LOXL2: variants seen among roughly 807,000 people sequenced by gnomAD.
The protein encoded by LOXL2 is lysyl oxidase like 2.
Under a neutral mutation model 93.0 loss-of-function variants are expected in LOXL2, and 70 were observed. That is an observed-to-expected ratio of 0.75 (90% CI 0.62 to 0.92). The LOEUF (loss-of-function observed/expected upper bound fraction) is 0.92, where lower values mean the gene tolerates loss of function less well. LOXL2 is among the 40% of genes least tolerant of loss of function. LOXL2 has a pLI of 0.00. For missense variants in LOXL2, 973 were observed against 1,054.9 expected (o/e 0.92, Z 1.08); for synonymous variants, 438 against 413.2 (o/e 1.06, Z -0.73).
At chr8:23,398,835 A>T (rs2117242897) in intron 1 of LOXL2, among the ~76,000 whole-genome samples, 1 of 151,276 alleles carries the variant, frequency 6.6e-6, no homozygotes, top group East Asian at 1.9e-4. Context: ...TTTGGTAGAG[A>T]CTGGGTCTCC....
intron 3 of LOXL2, among the ~76,000 whole-genome samples, chr8:23,345,428 C>T (rs1803954677): frequency 6.6e-6 from 1 of 152,210 alleles, no homozygotes. Flanking sequence ...TGTCGAGGGG[C>T]AGTGAGTCAG....
intron 3 of LOXL2, among the ~76,000 whole-genome samples, chr8:23,346,039 G>A (rs906323489): frequency 6.6e-6 from 1 of 150,588 alleles, no homozygotes; most frequent in Non-Finnish European, 1.5e-5. Context: ...CTGCACTCTA[G>A]CCTGGGCGAC....
chr8:23,388,421 AT>A (rs1014676764), intron 1 of LOXL2, among the ~76,000 whole-genome samples: 36 of 149,700 alleles, frequency 2.4e-4, no homozygotes, highest in Admixed American at 6.0e-4. Flanking sequence ...CTACAAAAAA[AT>A]TTTTTTTTTT....
intron 1 of LOXL2, among the ~76,000 whole-genome samples, chr8:23,393,364 C>A (rs931719771): frequency 1.4e-4 from 21 of 152,166 alleles, no homozygotes; most frequent in African/African-American, 5.1e-4. Flanking sequence ...ACATATAGAT[C>A]AATGAGATAA....
At chr8:23,357,665 A>T (rs1391800539) in intron 3 of LOXL2, among the ~76,000 whole-genome samples, 3 of 150,092 alleles carry the variant, frequency 2.0e-5, no homozygotes, top group Non-Finnish European at 3.0e-5. Flanking sequence ...TTTTCAAGCC[A>T]TCAATGATCA....
At chr8:23,321,817 G>A (rs1803501252) in intron 7 of LOXL2, 2 of 315,280 alleles carry the variant, frequency 6.3e-6, no homozygotes, top group Non-Finnish European at 1.2e-5. Flanking sequence ...GTTTTGATAA[G>A]GTTGTGGCTA....
chr8:23,327,976 G>A (rs544702566), intron 6 of LOXL2, among the ~76,000 whole-genome samples: 1 of 152,256 alleles, frequency 6.6e-6, no homozygotes, highest in Non-Finnish European at 1.5e-5. Context: ...ATGGCATTTG[G>A]TCCTTTTGTT....
intron 3 of LOXL2, among the ~76,000 whole-genome samples, chr8:23,357,472 T>A (rs1040354758): frequency 1.3e-5 from 2 of 152,230 alleles, no homozygotes; most frequent in African/African-American, 2.4e-5. Context: ...AACTGGCACT[T>A]AGTAGGTATT....
chr8:23,374,002 A>C (rs1173578938), intron 1 of LOXL2, among the ~76,000 whole-genome samples: 2 of 152,054 alleles, frequency 1.3e-5, no homozygotes, highest in African/African-American at 2.4e-5. Flanking sequence ...CACAACATGC[A>C]GGTTTGTTAC....
At chr8:23,378,037 A>G (rs1804620756) in intron 1 of LOXL2, among the ~76,000 whole-genome samples, 2 of 152,160 alleles carry the variant, frequency 1.3e-5, no homozygotes, top group Non-Finnish European at 2.9e-5. Flanking sequence ...CCTAGCATCA[A>G]TGGTCTTTAC....
chr8:23,371,607 C>G (rs1052447955), intron 1 of LOXL2, among the ~76,000 whole-genome samples: 7 of 151,576 alleles, frequency 4.6e-5, no homozygotes, highest in Non-Finnish European at 1.0e-4. Flanking sequence ...AAAAAATTAG[C>G]CGGGCATGGT....
chr8:23,385,552 A>G (rs538661088), intron 1 of LOXL2, among the ~76,000 whole-genome samples: 70 of 151,782 alleles, frequency 4.6e-4, no homozygotes, highest in Non-Finnish European at 7.1e-4. Flanking sequence ...GAGCCACTAC[A>G]CCCAGCCAAA....
intron 1 of LOXL2, among the ~76,000 whole-genome samples, chr8:23,388,724 A>G (rs1419251066): frequency 1.3e-5 from 2 of 151,686 alleles, no homozygotes; most frequent in Admixed American, 6.6e-5. Flanking sequence ...AAGCTTAATT[A>G]TCTAAATAAA....
intron 9 of LOXL2, among the ~76,000 whole-genome samples, chr8:23,311,543 G>A (rs552232926): frequency 3.9e-5 from 6 of 152,320 alleles, no homozygotes; most frequent in African/African-American, 1.2e-4. Context: ...CCGCCAGCTC[G>A]CAAGGCGAGG....
chr8:23,338,862 C>G (rs542947893), intron 4 of LOXL2, among the ~76,000 whole-genome samples: 19 of 152,300 alleles, frequency 1.2e-4, no homozygotes, highest in Middle Eastern at 3.4e-3. Flanking sequence ...AGAAGAGGAG[C>G]TGCAGCAGGG....
chr8:23,302,648 G>A (rs759050917), intron 11 of LOXL2, among the ~76,000 whole-genome samples: 1 of 152,112 alleles, frequency 6.6e-6, no homozygotes, highest in African/African-American at 2.4e-5. Flanking sequence ...GTGGCGGGCC[G>A]CTTCAATGAA....
chr8:23,314,452 AC>A (rs927118354), intron 9 of LOXL2, among the ~76,000 whole-genome samples: 2 of 132,362 alleles, frequency 1.5e-5, no homozygotes, highest in Non-Finnish European at 3.3e-5. Flanking sequence ...ACCATGGAAT[AC>A]TATGCAGCCA....
chr8:23,383,647 T>G (rs1322375557), intron 1 of LOXL2, among the ~76,000 whole-genome samples: 3 of 25,420 alleles, frequency 1.2e-4, no homozygotes, highest in Admixed American at 4.9e-4. Context: ...CACTTTTACG[T>G]TTTTTTTTTG....
intron 1 of LOXL2, among the ~76,000 whole-genome samples, chr8:23,397,531 C>T (rs558565374): frequency 6.6e-6 from 1 of 152,216 alleles, no homozygotes; most frequent in Admixed American, 6.5e-5. Flanking sequence ...GTAATCCCAG[C>T]ACTTTGGGAG....
Sources: allele counts gnomAD v4.1 joint callset (sites outside exome capture counted in the v4.1 genomes callset), GRCh38; gene constraint gnomAD v4.1.1; transcripts MANE v1.5; gene names NCBI Gene and HGNC (gene_info 2026-07-23, HGNC 2026-07-21).